DNAJC27: variants seen among roughly 807,000 people sequenced by gnomAD.
DNAJC27 encodes DnaJ heat shock protein family (Hsp40) member C27.
In DNAJC27, 25 loss-of-function variants were observed where a neutral mutation model predicts 31.4. The ratio of observed to expected loss-of-function variants is 0.80; its 90% CI spans 0.58 to 1.11. DNAJC27 has a LOEUF of 1.11. Ranked by LOEUF, DNAJC27 falls within the 50% of genes most tolerant of loss-of-function variation. DNAJC27 has a pLI of 0.00. For synonymous variants in DNAJC27, 106 were observed against 112.7 expected, an observed-to-expected ratio of 0.94 and a Z score of 0.37; for missense variants, 356 against 347.3, an observed-to-expected ratio of 1.02 and a Z score of -0.20.
At chr2:24,957,385 A>T (rs1481321534) in intron 4 of DNAJC27, among the ~76,000 whole-genome samples, 78 of 152,192 alleles carry the variant, frequency 5.1e-4, no homozygotes, top group Non-Finnish European at 7.3e-5. Context: ...CTGCTGCTGC[A>T]ATGTCCCACC....
At chr2:24,954,204 T>C (rs924809034) in intron 5 of DNAJC27, among the ~76,000 whole-genome samples, 2 of 152,078 alleles carry the variant, frequency 1.3e-5, no homozygotes, top group Non-Finnish European at 2.9e-5. Flanking sequence ...TATATATGCA[T>C]AGGGTGAGAT....
chr2:24,950,136 C>G (rs968157675), intron 6 of DNAJC27, among the ~76,000 whole-genome samples: 2 of 151,738 alleles, frequency 1.3e-5, no homozygotes, highest in South Asian at 2.1e-4. Context: ...GTGCCCTACA[C>G]GAGGTCATCT....
intron 2 of DNAJC27, among the ~76,000 whole-genome samples, chr2:24,966,626 T>G (rs1271988305): frequency 6.6e-6 from 1 of 152,118 alleles, no homozygotes; most frequent in Admixed American, 6.5e-5. Context: ...ACCCGGCTAA[T>G]TTTTGCATTT....
At chr2:24,956,078 T>C (rs1267915058) in intron 5 of DNAJC27, among the ~76,000 whole-genome samples, 2 of 152,240 alleles carry the variant, frequency 1.3e-5, no homozygotes, top group Admixed American at 6.5e-5. Flanking sequence ...GAAAATACTT[T>C]TGCTTAATTC....
At chr2:24,962,825 T>C (rs1268762496) in intron 3 of DNAJC27, among the ~76,000 whole-genome samples, 1 of 151,750 alleles carries the variant, frequency 6.6e-6, no homozygotes, top group Non-Finnish European at 1.5e-5. Context: ...ATGATAAAGA[T>C]TAAGGCAGAA....
chr2:24,958,496 A>G, intron 3 of DNAJC27: 1 of 320,292 alleles, frequency 3.1e-6, no homozygotes. Flanking sequence ...GATACAATGG[A>G]AAAGAGCACA....
intron 1 of DNAJC27, among the ~76,000 whole-genome samples, chr2:24,969,881 T>C (rs1278548438): frequency 2.0e-5 from 3 of 152,222 alleles, no homozygotes; most frequent in African/African-American, 2.4e-5. Context: ...CATGAAGACT[T>C]TAGTAGTCTT....
At chr2:24,971,513 T>C (rs781523554) in intron 1 of DNAJC27, 2 of 234,938 alleles carry the variant, frequency 8.5e-6, no homozygotes, top group Non-Finnish European at 1.7e-5. Flanking sequence ...GCGGGCAAGG[T>C]ATCTAGGCCG....
Position 24,944,647 on chromosome 2 carries a change from T to C in DNAJC27, c.*2969A>G, listed in dbSNP as rs545931812. On this transcript the variant is annotated 3_prime_UTR_variant, in exon 7 of 7. Coordinates refer to ENST00000264711, the MANE Select transcript of DNAJC27 (RefSeq NM_016544.3). ...CAACACAATGACCCCCAAGTCTGGA[T>C]TTTTAAATTAACAGGCTAAGAAAAC... 26 of 152,732 alleles carry C rather than the reference T, an allele frequency of 1.7e-4. No homozygotes were observed. The highest frequency in any genetic ancestry group is 1.4e-3 in the Admixed American group (21 of 15,284). The allele number at this position is 152,732 out of a possible 1,614,324, so 9.5% of individuals were successfully genotyped here.
Position 24,957,069 on chromosome 2 carries a change from C to T in DNAJC27, c.502G>A (p.Gly168Arg). 6.2e-7 allele frequency: 1 copy of T among 1,609,176 alleles called. No homozygotes were observed. The highest frequency in any genetic ancestry group is 8.5e-7 in the Non-Finnish European group (1 of 1,178,332). Residue 168 changes from glycine to arginine, a missense_variant, in exon 5 of 7, where the codon GGA becomes AGA. By Grantham distance (125) the Gly-to-Arg change is moderately radical. Transcript: ENST00000264711. ...TGGAACATCTCATTAATGCCTTCTC[C>T]AGTTTGTGCTGAAGTTTCAAAGTAC... ...FLYFETSAQT[G>R]EGINEMFQTF...
At chr2:24,952,768 C>A (rs997574746) in intron 5 of DNAJC27, among the ~76,000 whole-genome samples, 1 of 152,100 alleles carries the variant, frequency 6.6e-6, no homozygotes, top group African/African-American at 2.4e-5. Flanking sequence ...TAACACTGAC[C>A]ATTATCAAAC....
upstream of DNAJC27, chr2:24,972,088 G>C: frequency 2.0e-6 from 1 of 492,614 alleles, no homozygotes; most frequent in Non-Finnish European, 3.6e-6. Flanking sequence ...AGCCGGGGGA[G>C]GGAGACGGGA....
At chr2:24,972,060 G>A, upstream of DNAJC27, 1 of 542,404 alleles carries the variant, frequency 1.8e-6, no homozygotes, top group Non-Finnish European at 3.1e-6. Flanking sequence ...GCAGGCGCGG[G>A]CGGTTGGGAG....
At chr2:24,968,436 AAAT>A (rs532905548) in intron 1 of DNAJC27, among the ~76,000 whole-genome samples, 53 of 152,138 alleles carry the variant, frequency 3.5e-4, no homozygotes, top group African/African-American at 1.2e-3. Flanking sequence ...AACTAAGGCA[AAAT>A]AATAAGTTTT....
Position 24,945,705 on chromosome 2 carries a change from G to A in DNAJC27, c.*1911C>T, listed in dbSNP as rs1573104615. 6.6e-6 allele frequency: 1 copy of A among 152,336 alleles called. No homozygotes were observed. Among genetic ancestry groups the A allele is most frequent in the East Asian group, 1.9e-4 (1 of 5,188 alleles). The allele number at this position is 152,336 out of a possible 1,614,324, so 9.4% of individuals were successfully genotyped here. On this transcript the variant is annotated 3_prime_UTR_variant, in exon 7 of 7. Coordinates refer to ENST00000264711, the MANE Select transcript of DNAJC27 (RefSeq NM_016544.3). ...TAAAGGCCAGAGGAAAACCTCGCAA[G>A]AAATAACATATATCAATCAGTTCAT...
intron 6 of DNAJC27, among the ~76,000 whole-genome samples, chr2:24,948,212 TAAAC>T (rs1373663051): frequency 2.0e-5 from 3 of 152,146 alleles, no homozygotes; most frequent in African/African-American, 7.2e-5. Flanking sequence ...CTGGGCCTGA[TAAAC>T]AATCACAACA....
intron 1 of DNAJC27, among the ~76,000 whole-genome samples, chr2:24,970,678 C>G (rs1241281289): frequency 1.3e-5 from 2 of 151,576 alleles, no homozygotes; most frequent in Non-Finnish European, 2.9e-5. Flanking sequence ...TGGTCTTGAA[C>G]TCCTGACCTC....
chr2:24,963,520 T>C (rs746789441), intron 2 of DNAJC27, 46 bp from the exon 3 acceptor site: 1 of 1,482,922 alleles, frequency 6.7e-7, no homozygotes, highest in African/African-American at 1.4e-5. Context: ...TCATGGTTTC[T>C]CCATTTACCT....
chr2:24,953,493 TAAAG>T (rs1172640029), intron 5 of DNAJC27: 4 of 198,612 alleles, frequency 2.0e-5, no homozygotes, highest in African/African-American at 9.5e-5. Flanking sequence ...AGATGGGAAA[TAAAG>T]AAAATATTTA....
Sources: gnomAD v4.1 joint callset for allele counts (sites outside exome capture counted in the v4.1 genomes callset) on GRCh38, gnomAD v4.1.1 for gene constraint, MANE v1.5 for transcripts, NCBI Gene and HGNC (gene_info 2026-07-23, HGNC 2026-07-21) for gene names.